Variants in KLHL29 observed in about 807,000 individuals in gnomAD.
The protein encoded by KLHL29 is kelch like family member 29.
In KLHL29, 21 loss-of-function variants were observed where a neutral mutation model predicts 80.4. The ratio of observed to expected loss-of-function variants is 0.26; its 90% confidence interval spans 0.19 to 0.38. The LOEUF (loss-of-function observed/expected upper bound fraction) is 0.38. KLHL29 is among the 10% of genes least tolerant of loss of function. The pLI is 1.00. For synonymous variants in KLHL29, 511 were observed against 526.8 expected (o/e 0.97, Z 0.41); for missense variants, 867 against 1,223.9 (o/e 0.71, Z 4.35).
intron 3 of KLHL29, among the ~76,000 whole-genome samples, chr2:23,588,571 A>C (rs1029811684): frequency 6.6e-6 from 1 of 152,148 alleles, no homozygotes; most frequent in South Asian, 2.1e-4. Flanking sequence ...GGTGCTTCTT[A>C]GACTGTGGTC....
chr2:23,510,452 G>T (rs1055994083), intron 2 of KLHL29, among the ~76,000 whole-genome samples: 1 of 152,228 alleles, frequency 6.6e-6, no homozygotes, highest in Admixed American at 6.5e-5. Flanking sequence ...CATGGTGGTG[G>T]TGATGGTGAG....
At chr2:23,632,736 T>A (rs1274263406) in intron 3 of KLHL29, among the ~76,000 whole-genome samples, 1 of 152,212 alleles carries the variant, frequency 6.6e-6, no homozygotes, top group Non-Finnish European at 1.5e-5. Context: ...AATGACAGCA[T>A]TCACCACCAG....
At chr2:23,462,048 C>G (rs544884408) in intron 1 of KLHL29, among the ~76,000 whole-genome samples, 5 of 150,412 alleles carry the variant, frequency 3.3e-5, no homozygotes, top group Non-Finnish European at 7.4e-5. Flanking sequence ...CACCTGTGTT[C>G]CTTCCACCCA....
rs542646510 is a variant in KLHL29 at position 23,658,943 on chromosome 2, A to G, written c.940+16093A>G. Among the ~76,000 whole-genome samples, 3 of 152,278 alleles carry G rather than the reference A, an allele frequency of 2.0e-5. No homozygotes were observed. In the East Asian group the frequency reaches 5.8e-4, roughly 29 times the overall value. Reference sequence around the variant, plus strand: ...GGAGGCCCCAGCCTCAGCGTGGAAGAGTAAGCCTCTCCTCAGCTCACCCCA... The same window carrying G: ...GGAGGCCCCAGCCTCAGCGTGGAAGGGTAAGCCTCTCCTCAGCTCACCCCA... On this transcript the variant is annotated intron_variant, in intron 5 of 13. Coordinates refer to ENST00000486442, the MANE Select transcript of KLHL29 (RefSeq NM_052920.2).
At chr2:23,418,089 A>G (rs1662646557) in intron 1 of KLHL29, among the ~76,000 whole-genome samples, 1 of 152,166 alleles carries the variant, frequency 6.6e-6, no homozygotes, top group Non-Finnish European at 1.5e-5. Context: ...GACACGCTGT[A>G]AGTGTTTGTT....
intron 1 of KLHL29, 34 bp from the exon 2 acceptor site, chr2:23,475,526 A>G (rs912686924): frequency 1.2e-5 from 2 of 163,408 alleles, no homozygotes; most frequent in African/African-American, 2.5e-5. Flanking sequence ...CCTTTTCCCC[A>G]CCCCTACCCC....
intron 1 of KLHL29, among the ~76,000 whole-genome samples, chr2:23,392,213 A>C (rs963377869): frequency 6.6e-6 from 1 of 152,236 alleles, no homozygotes; most frequent in African/African-American, 2.4e-5. Flanking sequence ...CAACCCCTAG[A>C]GATCTCAGAA....
chr2:23,395,813 G>A (rs773163505), intron 1 of KLHL29, among the ~76,000 whole-genome samples: 3 of 151,996 alleles, frequency 2.0e-5, no homozygotes, highest in South Asian at 2.1e-4. Flanking sequence ...AGCATGATCC[G>A]TGGGCTCCCC....
At chr2:23,421,097 G>T (rs939632938) in intron 1 of KLHL29, among the ~76,000 whole-genome samples, 2 of 152,328 alleles carry the variant, frequency 1.3e-5, no homozygotes, top group Non-Finnish European at 2.9e-5. Context: ...GCTCAGAAAG[G>T]CAGGGTGACT....
chr2:23,591,642 T>C (rs1167440148), intron 3 of KLHL29, among the ~76,000 whole-genome samples: 1 of 152,192 alleles, frequency 6.6e-6, no homozygotes, highest in East Asian at 1.9e-4. Flanking sequence ...TCGGCCACCG[T>C]GCTGGCCAAG....
chr2:23,575,260 T>C (rs924731992), intron 3 of KLHL29, among the ~76,000 whole-genome samples: 21 of 152,128 alleles, frequency 1.4e-4, no homozygotes, highest in Non-Finnish European at 2.9e-4. Flanking sequence ...GAGCCGAAGG[T>C]GAGGCCTTAG....
intron 1 of KLHL29, among the ~76,000 whole-genome samples, chr2:23,406,900 A>G (rs1338809341): frequency 6.6e-6 from 1 of 152,244 alleles, no homozygotes; most frequent in Non-Finnish European, 1.5e-5. Context: ...TTAACAAAAG[A>G]AAAACCATGC....
intron 2 of KLHL29, among the ~76,000 whole-genome samples, chr2:23,525,903 C>T (rs1666300235): frequency 6.6e-6 from 1 of 152,212 alleles, no homozygotes; most frequent in Non-Finnish European, 1.5e-5. Flanking sequence ...TTACTGTGGC[C>T]TGGAGCTGGC....
intron 1 of KLHL29, among the ~76,000 whole-genome samples, chr2:23,462,331 A>G (rs550366981): frequency 5.9e-5 from 9 of 152,278 alleles, no homozygotes; most frequent in South Asian, 2.1e-4. Context: ...GGCTCTGTCT[A>G]TGCTACACTG....
intron 1 of KLHL29, among the ~76,000 whole-genome samples, chr2:23,401,106 C>T (rs1666589358): frequency 6.6e-6 from 1 of 152,144 alleles, no homozygotes; most frequent in Non-Finnish European, 1.5e-5. Context: ...CTCTGCTGCC[C>T]CGTTTCTGGG....
At chr2:23,502,985 CT>C (rs142606013) in intron 2 of KLHL29, among the ~76,000 whole-genome samples, 2 of 151,862 alleles carry the variant, frequency 1.3e-5, no homozygotes, top group Admixed American at 6.6e-5. Flanking sequence ...TTTTCTTTTT[CT>C]TTTTTTTGGC....
chr2:23,691,490 T>C (rs2149204103), intron 6 of KLHL29, 184 bp from the exon 7 acceptor site: 1 of 604,252 alleles, frequency 1.7e-6, no homozygotes, highest in South Asian at 2.0e-5. Flanking sequence ...TTTGGGCGTC[T>C]CTGGTCAGAC....
chr2:23,489,654 G>A (rs1665038251), intron 2 of KLHL29, among the ~76,000 whole-genome samples: 1 of 151,932 alleles, frequency 6.6e-6, no homozygotes, highest in Admixed American at 6.6e-5. Context: ...TCTGGGATGG[G>A]GGCATGGTGG....
At chr2:23,532,996 A>G (rs1008821111) in intron 2 of KLHL29, among the ~76,000 whole-genome samples, 5 of 152,074 alleles carry the variant, frequency 3.3e-5, no homozygotes, top group African/African-American at 9.7e-5. Context: ...TCTGCAACTC[A>G]CAGGCCCCCA....
Sources: gnomAD v4.1 joint callset for allele counts (sites outside exome capture counted in the v4.1 genomes callset) on GRCh38, gnomAD v4.1.1 for gene constraint, MANE v1.5 for transcripts, NCBI Gene and HGNC (gene_info 2026-07-23, HGNC 2026-07-21) for gene names.